LCOR: variants seen among roughly 807,000 people sequenced by gnomAD.
LCOR encodes ligand-dependent corepressor.
LCOR carries 14 observed loss-of-function variants against 64.4 expected under a neutral mutation model. The observed-to-expected ratio is 0.22, with a 90% CI of 0.14 to 0.34. LCOR has a LOEUF of 0.34. LCOR is among the 10% of genes least tolerant of loss of function. The probability of loss-of-function intolerance (pLI) is 1.00; values close to 1 mark genes in which losing one functional copy is unlikely to be tolerated. For synonymous variants in LCOR, 643 were observed against 642.5 expected, an observed-to-expected ratio of 1.00 and a Z score of -0.01; for missense variants, 1,686 against 1,765.3, an observed-to-expected ratio of 0.96 and a Z score of 0.80.
At chr10:96,832,756 G>A (rs1200448781) in intron 1 of LCOR, among the ~76,000 whole-genome samples, 2 of 150,830 alleles carry the variant, frequency 1.3e-5, no homozygotes, top group East Asian at 2.0e-4. Flanking sequence ...CGCCGCCGCC[G>A]GCTTATTGTG....
At chr10:96,916,783 T>A (rs919564484) in intron 4 of LCOR, among the ~76,000 whole-genome samples, 2 of 151,806 alleles carry the variant, frequency 1.3e-5, no homozygotes, top group African/African-American at 4.8e-5. Flanking sequence ...CCCAGCTAAT[T>A]TTTGTATTTT....
intron 4 of LCOR, among the ~76,000 whole-genome samples, chr10:96,910,129 C>T (rs543821546): frequency 6.6e-6 from 1 of 151,982 alleles, no homozygotes; most frequent in Admixed American, 6.6e-5. Context: ...CCAGGCTGGA[C>T]TTAAGTGATC....
intron 7 of LCOR, among the ~76,000 whole-genome samples, chr10:96,976,610 A>G (rs953760512): frequency 2.6e-5 from 4 of 152,218 alleles, no homozygotes; most frequent in African/African-American, 9.6e-5. Flanking sequence ...TTGGGGTGCT[A>G]TTAAGTTATT....
chr10:96,872,413 C>G (rs1446691843), intron 2 of LCOR, among the ~76,000 whole-genome samples: 1 of 152,174 alleles, frequency 6.6e-6, no homozygotes, highest in Admixed American at 6.6e-5. Flanking sequence ...AAGGAGGAGG[C>G]TGGGTGTGGT....
At chr10:96,851,535 A>C (rs1417977892) in intron 2 of LCOR, among the ~76,000 whole-genome samples, 1 of 152,188 alleles carries the variant, frequency 6.6e-6, no homozygotes, top group Non-Finnish European at 1.5e-5. Flanking sequence ...AAATCATGTC[A>C]GTGTTTAAAA....
At chr10:96,901,179 C>T (rs1476264800) in intron 2 of LCOR, among the ~76,000 whole-genome samples, 7 of 151,448 alleles carry the variant, frequency 4.6e-5, no homozygotes, top group East Asian at 1.9e-4. Flanking sequence ...ACAGAGACTC[C>T]GTCTCAAAAA....
At chr10:96,909,027 A>T (rs1292961089) in intron 4 of LCOR, among the ~76,000 whole-genome samples, 4 of 152,072 alleles carry the variant, frequency 2.6e-5, no homozygotes, top group Non-Finnish European at 1.5e-5. Context: ...CTTCTGTCCT[A>T]TACACTCTTA....
At chr10:96,965,158 G>A (rs1429801042) in intron 7 of LCOR, among the ~76,000 whole-genome samples, 3 of 151,194 alleles carry the variant, frequency 2.0e-5, no homozygotes, top group Non-Finnish European at 4.4e-5. Context: ...ACAGTCGCCC[G>A]CCACCACGCC....
At chr10:96,857,296 G>A (rs1845822486) in intron 2 of LCOR, among the ~76,000 whole-genome samples, 1 of 152,070 alleles carries the variant, frequency 6.6e-6, no homozygotes, top group Non-Finnish European at 1.5e-5. Context: ...CATTCCCAAA[G>A]CCATCCCCTG....
chr10:96,944,295 G>C, intron 5 of LCOR, 50 bp downstream of exon 5: 1 of 927,772 alleles, frequency 1.1e-6, no homozygotes, highest in Non-Finnish European at 1.3e-6. Context: ...TTGTATTATT[G>C]ATCTCCTTAA....
intron 4 of LCOR, among the ~76,000 whole-genome samples, chr10:96,910,459 A>G (rs963527698): frequency 1.4e-4 from 21 of 152,230 alleles, no homozygotes; most frequent in Non-Finnish European, 2.9e-5. Context: ...AGCCTATATC[A>G]TGTGAATTGT....
At chr10:96,857,252 T>A (rs1299808113) in intron 2 of LCOR, among the ~76,000 whole-genome samples, 1 of 152,194 alleles carries the variant, frequency 6.6e-6, no homozygotes, top group African/African-American at 2.4e-5. Flanking sequence ...AAGAGTTTAA[T>A]TAGTGTATTA....
At chr10:96,916,278 A>G (rs568191474) in intron 4 of LCOR, among the ~76,000 whole-genome samples, 2 of 151,972 alleles carry the variant, frequency 1.3e-5, no homozygotes, top group South Asian at 2.1e-4. Flanking sequence ...TGATCCGCCC[A>G]CCTCGGCCTC....
At chr10:96,847,917 TTTTTCCCCCC>T (rs1845659989) in intron 2 of LCOR, among the ~76,000 whole-genome samples, 1 of 151,290 alleles carries the variant, frequency 6.6e-6, no homozygotes, top group African/African-American at 2.5e-5. Flanking sequence ...GTTTTTGCCT[TTTTTCCCCCC>T]TTTTCCTGAG....
At position 96,906,556 on chromosome 10, in the gene LCOR, A is replaced by G. The variant is rs560946405; in HGVS notation, c.-329-709A>G. On this transcript the variant is annotated intron_variant, in intron 2 of 7. Transcript: ENST00000421806. ...CCATCAGTATTTGAGATAATAAGCCAGAAAAAAAGTTTTTGATTTTTTCAT... is the reference window on the plus strand; with the variant it reads ...CCATCAGTATTTGAGATAATAAGCCGGAAAAAAAGTTTTTGATTTTTTCAT... Among the ~76,000 whole-genome samples, 4 of 152,360 alleles carry G rather than the reference A, an allele frequency of 2.6e-5. No individual in the cohort carries two copies. The South Asian group carries it at 6.2e-4, about 24-fold the overall frequency.
At chr10:96,896,892 T>C (rs1399065771) in intron 2 of LCOR, among the ~76,000 whole-genome samples, 1 of 152,102 alleles carries the variant, frequency 6.6e-6, no homozygotes, top group Non-Finnish European at 1.5e-5. Context: ...TGGGAAGGGA[T>C]AGAAAAGGAA....
intron 4 of LCOR, among the ~76,000 whole-genome samples, chr10:96,922,587 T>C (rs12780563): frequency 8.5e-5 from 13 of 152,324 alleles, no homozygotes; most frequent in Non-Finnish European, 1.5e-4. Context: ...CTGATTGAGA[T>C]TGGGCTGAGC....
At position 96,985,766 on chromosome 10, in the gene LCOR, C is replaced by T. The variant is rs1011407464; in HGVS notation, c.*632C>T. ...TGTTCATTGTTGGTCCCTCCTCTCA[C>T]CTTTGATGTTTTGTCATTTGAGAGC... On this transcript the variant is annotated 3_prime_UTR_variant, in exon 8 of 8. Transcript: ENST00000421806. 9.6e-5 allele frequency: 16 copies of T among 167,042 alleles called. No individual in the cohort carries two copies. Among genetic ancestry groups the T allele is most frequent in the African/African-American group, 2.7e-4 (11 of 41,462 alleles). 10.3% of individuals were successfully genotyped at this position (167,042 alleles called of 1,614,324 possible). A position where few individuals can be genotyped will look rare whatever the true frequency, so the allele number is the denominator to read the frequency against.
chr10:96,984,861 C>G lies in LCOR; in HGVS notation c.4401C>G (p.Ser1467Arg). The G allele has an allele frequency of 6.2e-7, 1 of 1,614,086 alleles. No individual in the cohort carries two copies. The highest frequency in any genetic ancestry group is 1.6e-4 in the Middle Eastern group (1 of 6,062). ...VKIPKKSAGK[S>R]CPPSRKEKEN... is the part of the protein sequence containing the mutation. ...TCCCTAAAAAGTCCGCTGGGAAGAG[C>G]TGCCCTCCCTCCAGGAAAGAAAAAG... is the stretch of plus-strand genomic sequence containing the variant. The change falls in exon 8 of 8, where the codon AGC (serine) becomes AGG (arginine). Residue 1467 changes from serine to arginine, a missense_variant. Ser to Arg is a moderately radical substitution (Grantham distance 110). This residue lies in a region of LCOR where 1,293 missense variants were observed against 1,410.4 expected (regional missense o/e 0.92). Coordinates refer to ENST00000421806, the MANE Select transcript of LCOR (RefSeq NM_001346516.2).
Sources: gnomAD v4.1 joint callset for allele counts (sites outside exome capture counted in the v4.1 genomes callset) on GRCh38, gnomAD v4.1.1 for gene constraint, gnomAD v4.1.1 regional missense constraint, MANE v1.5 for transcripts, NCBI Gene and HGNC (gene_info 2026-07-23, HGNC 2026-07-21) for gene names.